PLB1: variants seen among roughly 807,000 people sequenced by gnomAD.
PLB1 encodes phospholipase B1.
A neutral mutation model predicts 227.4 loss-of-function variants in PLB1; 242 were observed. The ratio of observed to expected loss-of-function variants is 1.06; its 90% CI spans 0.96 to 1.18. The LOEUF is 1.18. Ranked by LOEUF, PLB1 falls within the 50% of genes most tolerant of loss-of-function variation. The probability of loss-of-function intolerance (pLI) is 0.00; values close to 1 mark genes in which losing one functional copy is unlikely to be tolerated. For synonymous variants in PLB1, 757 were observed against 682.2 expected (o/e 1.11, Z -1.71); for missense variants, 1,858 against 1,816.3 (o/e 1.02, Z -0.42).
intron 35 of PLB1, 48 bp downstream of exon 35, chr2:28,598,808 G>GTGGA (rs1683399200): frequency 6.8e-7 from 1 of 1,478,724 alleles, no homozygotes; most frequent in African/African-American, 1.4e-5. Flanking sequence ...GGAGTGGAAT[G>GTGGA]TGGATAGTAC....
At chr2:28,508,797 G>A (rs1002391577) in intron 1 of PLB1, among the ~76,000 whole-genome samples, 1 of 152,160 alleles carries the variant, frequency 6.6e-6, no homozygotes, top group African/African-American at 2.4e-5. Flanking sequence ...AATGCCAAAA[G>A]GGTCATAAAC....
At chr2:28,578,213 C>A (rs1679325255) in intron 22 of PLB1, 55 bp downstream of exon 22, 2 of 1,566,830 alleles carry the variant, frequency 1.3e-6, no homozygotes, top group Non-Finnish European at 1.8e-6. Context: ...CAGAGAAGAT[C>A]AGCTGTGGAT....
In PLB1 at chr2:28,538,340, G is replaced by T; in HGVS notation, c.577G>T (p.Val193Leu). ...ACAGAATGGGCTTGCGGCGGGCGGC[G>T]TGGATGAGCTGATGGGGGTGCTGGA... The part of the protein sequence containing the change: ...AQQNGLAAGG[V>L]DELMGVLDYL... Residue 193 changes from valine to leucine, a missense_variant, in exon 10 of 58, where the codon GTG (valine) becomes TTG (leucine). Val to Leu is a conservative substitution (Grantham distance 32). Transcript: ENST00000327757. 1 of 1,613,192 alleles carries T rather than the reference G, an allele frequency of 6.2e-7. No homozygotes were observed. Among genetic ancestry groups the T allele is most frequent in the Non-Finnish European group, 8.5e-7 (1 of 1,179,886 alleles).
At chr2:28,591,858 C>A in intron 31 of PLB1, 98 bp downstream of exon 31, 3 of 1,164,212 alleles carry the variant, frequency 2.6e-6, no homozygotes, top group Non-Finnish European at 2.5e-6. Flanking sequence ...CTAAATGGCA[C>A]AGTGACGGCC....
chr2:28,574,336 A>C (rs373611094), intron 21 of PLB1, among the ~76,000 whole-genome samples: 1,097 of 70,052 alleles, frequency 0.016, no homozygotes, highest in Non-Finnish European at 0.028. Flanking sequence ...TTAATCCCTC[A>C]CCCCCCCCAC....
At chr2:28,543,319 C>T (rs1268790374) in intron 14 of PLB1, 51 bp downstream of exon 14, 1 of 1,575,456 alleles carries the variant, frequency 6.3e-7, no homozygotes, top group South Asian at 1.2e-5. Flanking sequence ...GCAAGGTCTC[C>T]ACCACCACTG....
intron 54 of PLB1, 104 bp downstream of exon 54, chr2:28,630,768 C>A: frequency 2.2e-6 from 2 of 924,408 alleles, no homozygotes; most frequent in Non-Finnish European, 3.3e-6. Flanking sequence ...GAGCAAGCCA[C>A]TCCCTAAAAG....
chr2:28,589,823 C>T (rs1681574180), intron 28 of PLB1, 53 bp downstream of exon 28: 3 of 1,552,206 alleles, frequency 1.9e-6, no homozygotes, highest in Non-Finnish European at 2.7e-6. Context: ...AAAAAGACTT[C>T]ACAAAGCCTT....
At chr2:28,610,219 G>A (rs1164213373) in intron 43 of PLB1, among the ~76,000 whole-genome samples, 1 of 152,036 alleles carries the variant, frequency 6.6e-6, no homozygotes, top group Non-Finnish European at 1.5e-5. Flanking sequence ...TAGATTTTAA[G>A]CTGTGCATGC....
At chr2:28,590,547 G>A (rs770382106) in intron 29 of PLB1, among the ~76,000 whole-genome samples, 2 of 152,152 alleles carry the variant, frequency 1.3e-5, no homozygotes, top group Non-Finnish European at 2.9e-5. Context: ...GGAAAGAAAA[G>A]CAGAAGAAGC....
chr2:28,496,311 T>G (rs1666428804), intron 1 of PLB1, 142 bp downstream of exon 1: 2 of 873,102 alleles, frequency 2.3e-6, no homozygotes, highest in Non-Finnish European at 3.4e-6. Flanking sequence ...ATAAGAAGTC[T>G]GGTTTGCCTC....
intron 8 of PLB1, among the ~76,000 whole-genome samples, chr2:28,530,171 C>T (rs898558588): frequency 2.6e-5 from 4 of 152,102 alleles, no homozygotes; most frequent in African/African-American, 9.7e-5. Flanking sequence ...AGGACCCATC[C>T]TCTTCAGAAT....
intron 26 of PLB1, among the ~76,000 whole-genome samples, chr2:28,586,948 T>C (rs1209252450): frequency 1.3e-5 from 2 of 152,028 alleles, no homozygotes; most frequent in Admixed American, 6.5e-5. Flanking sequence ...TGGGTTTCAC[T>C]ATGTTGCCCA....
chr2:28,550,079 C>CT lies in PLB1; in HGVS notation c.1080dup (p.Glu361Ter). On this transcript the variant is annotated frameshift_variant, in exon 16 of 58. Coordinates refer to ENST00000327757, the MANE Select transcript of PLB1 (RefSeq NM_153021.5). LOFTEE classifies it high-confidence loss of function. ...CAGACTGCAGAAACCCCAAGACAAG[C>CT]TTGAGGTAAGGAAAGGTTTTCTGTA... The CT allele has an allele frequency of 1.2e-6, 2 of 1,611,040 alleles. No individual in the cohort carries two copies. The highest frequency in any genetic ancestry group is 1.7e-6 in the Non-Finnish European group (2 of 1,177,860).
rs774237909 is a variant in PLB1, at chr2:28,629,157, G to T, written c.3790G>T (p.Gly1264Cys). ...MELASLYQGQ[G>C]GKCAMLAAQN... ...GCTGGCTAGCCTGTACCAGGGCCAA[G>T]GCGGGAAATGTGCCATGCTGGCAGC... Residue 1264 changes from glycine to cysteine, a missense_variant, in exon 53 of 58, where the codon GGC becomes TGC. By Grantham distance (159) the Gly-to-Cys change is radical (BLOSUM62 -3). Coordinates refer to ENST00000327757, the MANE Select transcript of PLB1 (RefSeq NM_153021.5). 1.5e-5 allele frequency: 25 copies of T among 1,613,892 alleles called. No homozygotes were observed. The highest frequency in any genetic ancestry group is 2.1e-5 in the Non-Finnish European group (25 of 1,179,902).
chr2:28,504,525 T>C (rs938975140), intron 1 of PLB1, among the ~76,000 whole-genome samples: 9 of 152,184 alleles, frequency 5.9e-5, no homozygotes, highest in Admixed American at 2.0e-4. Flanking sequence ...GGCAGATCAC[T>C]TGAGGTCAGG....
intron 36 of PLB1, 70 bp downstream of exon 36, chr2:28,600,930 G>A: frequency 7.2e-7 from 1 of 1,394,152 alleles, no homozygotes; most frequent in Non-Finnish European, 1.0e-6. Context: ...CAAACGGAGT[G>A]GCCTGCTCTG....
In PLB1 at chr2:28,614,727, A is replaced by G. The variant is rs140637534; in HGVS notation, c.3195+631A>G. On this transcript the variant is annotated intron_variant, in intron 44 of 57. Coordinates refer to ENST00000327757, the MANE Select transcript of PLB1 (RefSeq NM_153021.5). ...GTCACCAGGATGGGGTTTGACCCGC[A>G]GTTTCAGTTTCACACCTATATTATA... Among the ~76,000 whole-genome samples, 71 of 152,306 alleles carry G rather than the reference A, an allele frequency of 4.7e-4. No individual in the cohort carries two copies. In the East Asian group the frequency reaches 0.014, roughly 29 times the overall value.
At position 28,590,050 on chromosome 2, in the gene PLB1, A is replaced by T; in HGVS notation, c.2062A>T (p.Lys688Ter). ...QKTTRHKFEN[K>*]INITCPNQVQ... ...GACGACTCGTCATAAGTTTGAAAACAAGATCAATATCACATGTCCGAACCA... is the reference window on the plus strand; with the variant it reads ...GACGACTCGTCATAAGTTTGAAAACTAGATCAATATCACATGTCCGAACCA... Residue 688 changes from lysine to a stop codon, truncating the protein, a stop_gained, in exon 29 of 58, where the codon AAG becomes TAG. Coordinates refer to ENST00000327757, the MANE Select transcript of PLB1 (RefSeq NM_153021.5). LOFTEE classifies it high-confidence loss of function. 6.2e-7 allele frequency: 1 copy of T among 1,613,632 alleles called. No individual in the cohort carries two copies. Among genetic ancestry groups the T allele is most frequent in the East Asian group, 2.2e-5 (1 of 44,874 alleles).
Sources: allele counts gnomAD v4.1 joint callset (sites outside exome capture counted in the v4.1 genomes callset), GRCh38; gene constraint gnomAD v4.1.1; transcripts MANE v1.5; gene names NCBI Gene and HGNC (gene_info 2026-07-23, HGNC 2026-07-21).